CATSPERD: variants seen among roughly 807,000 people sequenced by gnomAD.
The protein encoded by CATSPERD is cation channel sperm-associated auxiliary subunit delta.
In CATSPERD, 86 loss-of-function variants were observed where a neutral mutation model predicts 98.1. That is an observed-to-expected ratio of 0.88 (90% CI 0.74 to 1.05). The LOEUF (loss-of-function observed/expected upper bound fraction) is 1.05, where lower values mean the gene tolerates loss of function less well. CATSPERD is among the 50% of genes least tolerant of loss of function. CATSPERD has a pLI of 0.00. For missense variants in CATSPERD, 995 were observed against 1,005.7 expected, an observed-to-expected ratio of 0.99 and a Z score of 0.14; for synonymous variants, 394 against 390.2, an observed-to-expected ratio of 1.01 and a Z score of -0.12.
At chr19:5,759,439 C>T (rs1427135106) in intron 15 of CATSPERD, among the ~76,000 whole-genome samples, 1 of 151,694 alleles carries the variant, frequency 6.6e-6, no homozygotes, top group Non-Finnish European at 1.5e-5. Context: ...GTGGCAGGCA[C>T]CTGTAATTTC....
At chr19:5,736,934 G>A (rs2055858349) in intron 5 of CATSPERD, among the ~76,000 whole-genome samples, 1 of 151,640 alleles carries the variant, frequency 6.6e-6, no homozygotes, top group Admixed American at 6.6e-5. Context: ...GTGGGTGCCT[G>A]TAGTCCCAGC....
intron 20 of CATSPERD, 60 bp from the exon 21 acceptor site, chr19:5,776,101 G>A (rs1251639616): frequency 8.3e-6 from 13 of 1,574,578 alleles, no homozygotes; most frequent in Non-Finnish European, 1.1e-5. Flanking sequence ...AGGGAGGAGG[G>A]AGGCTCAGGG....
At chr19:5,729,428 A>G (rs566445228) in intron 3 of CATSPERD, among the ~76,000 whole-genome samples, 2 of 152,346 alleles carry the variant, frequency 1.3e-5, no homozygotes, top group Admixed American at 1.3e-4. Flanking sequence ...GTTGAAAACC[A>G]TAAAATTTAC....
At chr19:5,747,504 A>T (rs2056116903) in intron 9 of CATSPERD, among the ~76,000 whole-genome samples, 3 of 151,790 alleles carry the variant, frequency 2.0e-5, no homozygotes, top group African/African-American at 7.3e-5. Context: ...GTATTAGAAG[A>T]CATTCCATTG....
At chr19:5,761,359 C>T (rs1022056509) in intron 15 of CATSPERD, among the ~76,000 whole-genome samples, 3 of 126,712 alleles carry the variant, frequency 2.4e-5, no homozygotes, top group African/African-American at 8.7e-5. Flanking sequence ...GCGTCAGCCT[C>T]CCAAAGTGCT....
intron 15 of CATSPERD, among the ~76,000 whole-genome samples, chr19:5,759,623 T>A (rs1280048768): frequency 7.2e-6 from 1 of 139,812 alleles, no homozygotes; most frequent in African/African-American, 2.7e-5. Flanking sequence ...GCGCCTATAA[T>A]CCCAGCTACT....
chr19:5,768,904 G>T (rs959376166), intron 18 of CATSPERD, among the ~76,000 whole-genome samples: 1 of 151,960 alleles, frequency 6.6e-6, no homozygotes. Flanking sequence ...GGTGGCTCAC[G>T]CCTGTAATCC....
At chr19:5,770,722 AGT>A (rs1220060961) in intron 18 of CATSPERD, among the ~76,000 whole-genome samples, 7 of 152,118 alleles carry the variant, frequency 4.6e-5, no homozygotes, top group Admixed American at 3.3e-4. Flanking sequence ...TGGAGGTTGC[AGT>A]GAGTCATGAC....
chr19:5,762,058 A>ATATATTT, intron 15 of CATSPERD, among the ~76,000 whole-genome samples: 2 of 10,438 alleles, frequency 1.9e-4, no homozygotes, highest in African/African-American at 6.6e-4. Context: ...ATATATATAT[A>ATATATTT]TTTTTTTTTT....
intron 1 of CATSPERD, among the ~76,000 whole-genome samples, chr19:5,721,865 T>C (rs927100182): frequency 8.6e-5 from 13 of 151,978 alleles, no homozygotes; most frequent in East Asian, 3.9e-4. Flanking sequence ...GGCAGGTGCC[T>C]GTAATCCCAG....
intron 4 of CATSPERD, among the ~76,000 whole-genome samples, chr19:5,730,741 G>T (rs1004850410): frequency 6.7e-6 from 1 of 150,030 alleles, no homozygotes; most frequent in South Asian, 2.1e-4. Flanking sequence ...GGCTGGGCAC[G>T]GTGGCTCACG....
chr19:5,765,487 C>T (rs2056521431), intron 16 of CATSPERD, among the ~76,000 whole-genome samples: 1 of 151,930 alleles, frequency 6.6e-6, no homozygotes, highest in Non-Finnish European at 1.5e-5. Flanking sequence ...TCCCCATGCT[C>T]TCTGTGTACC....
intron 7 of CATSPERD, 103 bp from the exon 8 acceptor site, chr19:5,744,324 A>C: frequency 9.8e-7 from 1 of 1,024,338 alleles, no homozygotes; most frequent in Non-Finnish European, 1.5e-6. Flanking sequence ...TTTCTAAAAA[A>C]GACTTTCCTT....
chr19:5,772,620 G>A (rs1056327495), intron 19 of CATSPERD, among the ~76,000 whole-genome samples, 168 bp from the exon 20 acceptor site: 6 of 151,880 alleles, frequency 4.0e-5, no homozygotes, highest in South Asian at 2.1e-4. Flanking sequence ...TGGCCTCCCC[G>A]CAGCCCACAC....
intron 18 of CATSPERD, among the ~76,000 whole-genome samples, chr19:5,768,465 T>C (rs938084675): frequency 2.0e-5 from 3 of 151,312 alleles, no homozygotes; most frequent in Non-Finnish European, 4.4e-5. Context: ...GCCTCCTGAG[T>C]AGTTGGGACT....
chr19:5,741,748 C>G (rs1047896938), intron 7 of CATSPERD, among the ~76,000 whole-genome samples: 5 of 128,518 alleles, frequency 3.9e-5, no homozygotes, highest in Non-Finnish European at 6.4e-5. Context: ...GGCGCGGTGC[C>G]TCAGCCTGTA....
intron 12 of CATSPERD, 34 bp from the exon 13 acceptor site, chr19:5,754,098 C>T: frequency 7.1e-7 from 1 of 1,417,136 alleles, no homozygotes; most frequent in Non-Finnish European, 1.0e-6. Flanking sequence ...GGAACAGGAG[C>T]ATGATTATCT....
rs776796799 is a variant in CATSPERD at position 5,768,225 on chromosome 19, C to T, written c.1617C>T (p.Tyr539=). Residue 539 remains tyrosine (Y), a synonymous_variant, in exon 18 of 22, where the codon TAC becomes TAT. Coordinates refer to ENST00000381624, the MANE Select transcript of CATSPERD (RefSeq NM_152784.4). ...ILDPLTLQDN[Y]SFIIEKEFYD... is the part of the protein sequence containing the mutation. ...ACCCCTTGACCCTGCAAGACAATTA[C>T]AGCTTCATCATCGAGAAGTAAGCCA... The T allele has an allele frequency of 3.7e-6, 6 of 1,613,300 alleles. No individual in the cohort carries two copies. The African/African-American group carries it at 4.0e-5, about 11-fold the overall frequency.
chr19:5,722,742 G>A (rs80051821), intron 1 of CATSPERD, among the ~76,000 whole-genome samples: 17 of 122,704 alleles, frequency 1.4e-4, no homozygotes, highest in African/African-American at 2.2e-4. Flanking sequence ...CCCCCCCCCC[G>A]CAACCCCGGT....
Sources: gnomAD v4.1 joint callset for allele counts (sites outside exome capture counted in the v4.1 genomes callset) on GRCh38, gnomAD v4.1.1 for gene constraint, MANE v1.5 for transcripts, NCBI Gene and HGNC (gene_info 2026-07-23, HGNC 2026-07-21) for gene names.